SIM2: variants seen among roughly 807,000 people sequenced by gnomAD.
SIM2 encodes the protein SIM bHLH transcription factor 2.
In SIM2, 28 loss-of-function variants were observed where a neutral mutation model predicts 64.8. The ratio of observed to expected loss-of-function variants is 0.43; its 90% confidence interval spans 0.32 to 0.59. SIM2 has a LOEUF of 0.59. Among genes scored for constraint, SIM2 ranks in the 20% least tolerant of loss-of-function variants. The pLI, the probability that SIM2 is intolerant of heterozygous loss-of-function variation, is 0.07. For synonymous variants in SIM2, 408 were observed against 391.1 expected (o/e 1.04, Z -0.51); for missense variants, 847 against 871.4 (o/e 0.97, Z 0.35).
rs565520243 is a variant in SIM2 at position 36,711,198 on chromosome 21, C to T, written c.259-1335C>T. On this transcript the variant is annotated intron_variant, in intron 2 of 10. Coordinates refer to ENST00000290399, the MANE Select transcript of SIM2 (RefSeq NM_005069.6). Reference sequence around the variant, plus strand: ...ATTATGATAATTTTCCTCTTTTCCTCATTATCCCAGATATGGCTGGTTGTG... The same window carrying T: ...ATTATGATAATTTTCCTCTTTTCCTTATTATCCCAGATATGGCTGGTTGTG... Among the ~76,000 whole-genome samples, 6 of 152,332 alleles carry T rather than the reference C, an allele frequency of 3.9e-5. No individual in the cohort carries two copies. In the South Asian group the frequency reaches 1.2e-3, roughly 32 times the overall value.
intron 5 of SIM2, among the ~76,000 whole-genome samples, chr21:36,724,909 C>A (rs1168726408): frequency 6.6e-6 from 1 of 152,164 alleles, no homozygotes; most frequent in Non-Finnish European, 1.5e-5. Flanking sequence ...GACACCGAAA[C>A]ACTGCATTCT....
chr21:36,736,848 T>C (rs748670864), intron 7 of SIM2, among the ~76,000 whole-genome samples: 1 of 24,866 alleles, frequency 4.0e-5, no homozygotes, highest in South Asian at 1.4e-3. Context: ...TCTCTTTCTT[T>C]TCTTTCTTTC....
intron 7 of SIM2, among the ~76,000 whole-genome samples, chr21:36,735,813 T>G (rs908699349): frequency 6.6e-6 from 1 of 152,148 alleles, no homozygotes; most frequent in Non-Finnish European, 1.5e-5. Context: ...AGAGGCCGAC[T>G]TGGGGAGGAC....
intron 2 of SIM2, chr21:36,710,193 C>T (rs1490446520): frequency 6.6e-6 from 1 of 152,472 alleles, no homozygotes; most frequent in Admixed American, 6.5e-5. Flanking sequence ...GGTCACACAG[C>T]AAGGGGTGGA....
At chr21:36,721,257 A>C (rs1439569080) in intron 4 of SIM2, among the ~76,000 whole-genome samples, 1 of 152,188 alleles carries the variant, frequency 6.6e-6, no homozygotes, top group Non-Finnish European at 1.5e-5. Flanking sequence ...TGCAGACATC[A>C]ACATGAATCA....
chr21:36,739,600 T>C (rs1354495192), intron 7 of SIM2, among the ~76,000 whole-genome samples: 1 of 152,200 alleles, frequency 6.6e-6, no homozygotes, highest in Non-Finnish European at 1.5e-5. Flanking sequence ...GGTAAGTCTG[T>C]GTTTGCACAC....
At chr21:36,700,300 CTTTCTTTCTTTCTTTCTCTTTCTT>C (rs1194770400) in intron 1 of SIM2, among the ~76,000 whole-genome samples, 3 of 137,930 alleles carry the variant, frequency 2.2e-5, no homozygotes, top group Non-Finnish European at 4.4e-5. Context: ...TCTTTCTTTC[CTTTCTTTCTTTCTTTCTCTTTCTT>C]TTTCTTTCTT....
chr21:36,727,718 GGGA>G (rs1223586633), intron 6 of SIM2, among the ~76,000 whole-genome samples: 1 of 152,178 alleles, frequency 6.6e-6, no homozygotes, highest in Non-Finnish European at 1.5e-5. Context: ...CTTTGGCGGG[GGGA>G]GGAGAGATAC....
intron 4 of SIM2, among the ~76,000 whole-genome samples, chr21:36,722,764 G>A (rs978600540): frequency 6.6e-6 from 1 of 152,184 alleles, no homozygotes; most frequent in Admixed American, 6.5e-5. Flanking sequence ...AGGAGCGGGC[G>A]ACGGCAGGTG....
chr21:36,732,437 C>T (rs748709), intron 7 of SIM2, among the ~76,000 whole-genome samples: 56,882 of 151,956 alleles, frequency 0.37, 10,726 homozygotes, highest in African/African-American at 0.43. Context: ...ACGGCAGGCC[C>T]GCAGGCCGCT....
intron 2 of SIM2, chr21:36,710,624 A>G (rs944085233): frequency 6.6e-6 from 1 of 151,978 alleles, no homozygotes; most frequent in African/African-American, 2.4e-5. Flanking sequence ...TGTTGGCTGC[A>G]GGACGCCATG....
At chr21:36,719,297 C>T (rs1248602215) in intron 3 of SIM2, among the ~76,000 whole-genome samples, 1 of 152,264 alleles carries the variant, frequency 6.6e-6, no homozygotes, top group East Asian at 1.9e-4. Flanking sequence ...GGGCCTTTGT[C>T]TGAGTTCATG....
chr21:36,746,265 A>G (rs2089226146), intron 10 of SIM2: 1 of 167,814 alleles, frequency 6.0e-6, no homozygotes, highest in African/African-American at 2.4e-5. Flanking sequence ...CAGTGAGCTA[A>G]GATCACATCA....
At chr21:36,729,855 G>A (rs1284349816) in intron 6 of SIM2, among the ~76,000 whole-genome samples, 1 of 152,212 alleles carries the variant, frequency 6.6e-6, no homozygotes, top group Non-Finnish European at 1.5e-5. Flanking sequence ...TCCTGATGCG[G>A]GTGATGATGT....
intron 1 of SIM2, among the ~76,000 whole-genome samples, chr21:36,706,018 C>T (rs1016218931): frequency 6.6e-6 from 1 of 152,136 alleles, no homozygotes; most frequent in African/African-American, 2.4e-5. Context: ...TGAAGGGGGA[C>T]GGCCACCTCA....
rs561503620 is a variant in SIM2 at position 36,712,867 on chromosome 21, G to A, written c.348+245G>A. ...TGACCAGTGTGTCTTCACCCCGTCA[G>A]CCTTGTTCCGAGATTCTGCCAAAAC... On this transcript the variant is annotated intron_variant, in intron 3 of 10. Transcript: ENST00000290399. Among the ~76,000 whole-genome samples, 5 of 152,252 alleles carry A rather than the reference G, an allele frequency of 3.3e-5. No homozygotes were observed. In the South Asian group the frequency reaches 6.2e-4, roughly 19 times the overall value.
At chr21:36,737,558 T>A (rs1473178196) in intron 7 of SIM2, among the ~76,000 whole-genome samples, 1 of 152,216 alleles carries the variant, frequency 6.6e-6, no homozygotes, top group African/African-American at 2.4e-5. Context: ...GGGCTGTCCA[T>A]GGTTTGGAAG....
At chr21:36,706,754 G>A (rs937036793) in intron 1 of SIM2, among the ~76,000 whole-genome samples, 4 of 152,292 alleles carry the variant, frequency 2.6e-5, no homozygotes, top group Admixed American at 2.0e-4. Flanking sequence ...TAGAGGCAGG[G>A]GTGCTTGGGA....
Position 36,747,707 on chromosome 21 carries a change from CCCCGAGCTT to C in SIM2, c.1628_1636del (p.Phe543_Ser545del). On this transcript the variant is annotated inframe_deletion, in exon 11 of 11. Transcript: ENST00000290399. This position sits in a 1 kb window ranked among gnomAD's most constrained non-coding sequence, Gnocchi z 4.5. ...CGCAGGTTCGGCGAGGACACCGCGC[CCCCGAGCTT>C]CCCGAGCTGCGGCCACTACCGCGAG... 1.6e-6 allele frequency: 2 copies of C among 1,281,638 alleles called. No individual in the cohort carries two copies. The highest frequency in any genetic ancestry group is 2.0e-6 in the Non-Finnish European group (2 of 1,012,106). The allele number at this position is 1,281,638 out of a possible 1,614,324, so 79.4% of individuals were successfully genotyped here. A position where few individuals can be genotyped will look rare whatever the true frequency, so the allele number is the denominator to read the frequency against.
Sources: allele counts gnomAD v4.1 joint callset (sites outside exome capture counted in the v4.1 genomes callset), GRCh38; gene constraint gnomAD v4.1.1; non-coding constraint Gnocchi (gnomAD v3.1); transcripts MANE v1.5; gene names NCBI Gene and HGNC (gene_info 2026-07-23, HGNC 2026-07-21).